ITFG1: variants seen among roughly 807,000 people sequenced by gnomAD.
The protein encoded by ITFG1 is integrin alpha FG-GAP repeat containing 1, also known as T-cell immunomodulatory protein.
In ITFG1, 34 loss-of-function variants were observed where a neutral mutation model predicts 81.8. That is an observed-to-expected ratio of 0.42 (90% CI 0.32 to 0.55). ITFG1 has a LOEUF of 0.55. Among genes scored for constraint, ITFG1 ranks in the 20% least tolerant of loss-of-function variants. The pLI, the probability that ITFG1 is intolerant of heterozygous loss-of-function variation, is 0.17. For synonymous variants in ITFG1, 285 were observed against 270.6 expected (o/e 1.05, Z -0.52); for missense variants, 672 against 755.4 (o/e 0.89, Z 1.29).
chr16:47,201,987 T>A (rs1965429894), intron 14 of ITFG1: 1 of 152,204 alleles, frequency 6.6e-6, no homozygotes, highest in Non-Finnish European at 1.5e-5. Flanking sequence ...TTTTCAGTAA[T>A]ACACAGTACT....
At position 47,258,689 on chromosome 16, in the gene ITFG1, C is replaced by A; in HGVS notation, c.1273G>T (p.Ala425Ser). The A allele has an allele frequency of 4.5e-6, 7 of 1,559,290 alleles. No homozygotes were observed. Among genetic ancestry groups the A allele is most frequent in the Non-Finnish European group, 6.1e-6 (7 of 1,146,288 alleles). Residue 425 changes from alanine (A) to serine (S), a missense_variant, in exon 12 of 18, where the codon GCC becomes TCC. Around this residue, in one of 3 missense-constraint regions of ITFG1, gnomAD observed 560 missense variants for 625.7 expected, o/e 0.90. Coordinates refer to ENST00000320640, the MANE Select transcript of ITFG1 (RefSeq NM_030790.5). ...AAGTTATTTTTTAGTGTATGAATGG[C>A]AAAATCATTCTTTGTATATCCTTTA... is the stretch of plus-strand genomic sequence containing the variant. ...LSKGYTKNDF[A>S]IHTLKNNFEA...
intron 6 of ITFG1, among the ~76,000 whole-genome samples, chr16:47,392,895 C>T (rs2151596447): frequency 6.6e-6 from 1 of 152,288 alleles, no homozygotes; most frequent in East Asian, 1.9e-4. Flanking sequence ...AGAAAAATCA[C>T]CCAGCCACAG....
intron 6 of ITFG1, among the ~76,000 whole-genome samples, chr16:47,415,906 C>T (rs557390680): frequency 3.3e-5 from 5 of 151,982 alleles, no homozygotes; most frequent in East Asian, 1.9e-4. Flanking sequence ...CCAGCTTGGC[C>T]AACATGGTGA....
intron 14 of ITFG1, among the ~76,000 whole-genome samples, chr16:47,190,397 C>A (rs1286702267): frequency 6.6e-6 from 1 of 152,192 alleles, no homozygotes; most frequent in Non-Finnish European, 1.5e-5. Flanking sequence ...TTATTACATA[C>A]ATGTTACTCA....
intron 5 of ITFG1, among the ~76,000 whole-genome samples, chr16:47,446,536 G>A (rs1969326907): frequency 6.6e-6 from 1 of 152,114 alleles, no homozygotes; most frequent in Non-Finnish European, 1.5e-5. Flanking sequence ...ACTAATACAG[G>A]CAAATACAGT....
intron 14 of ITFG1, among the ~76,000 whole-genome samples, chr16:47,205,831 T>TCTATCTATCTATCTAC (rs1965489144): frequency 2.6e-4 from 6 of 22,954 alleles, no homozygotes; most frequent in African/African-American, 9.5e-4. Flanking sequence ...AATTAAATTA[T>TCTATCTATCTATCTAC]CTATCTATCT....
At chr16:47,278,933 A>G (rs1966425013) in intron 10 of ITFG1, among the ~76,000 whole-genome samples, 1 of 151,982 alleles carries the variant, frequency 6.6e-6, no homozygotes, top group South Asian at 2.1e-4. Flanking sequence ...TTCTGCATTC[A>G]AAGTTTAACA....
At chr16:47,251,343 T>C (rs1966072470) in intron 12 of ITFG1, among the ~76,000 whole-genome samples, 1 of 152,216 alleles carries the variant, frequency 6.6e-6, no homozygotes, top group Admixed American at 6.5e-5. Flanking sequence ...ATATAGCTTC[T>C]ACCCCTGGTG....
chr16:47,299,140 C>G (rs1006098721), intron 10 of ITFG1, among the ~76,000 whole-genome samples: 1 of 152,126 alleles, frequency 6.6e-6, no homozygotes, highest in Admixed American at 6.5e-5. Flanking sequence ...TACCTTTACT[C>G]GCCTTTGTCT....
At chr16:47,382,358 C>A (rs1968406034) in intron 6 of ITFG1, among the ~76,000 whole-genome samples, 1 of 152,164 alleles carries the variant, frequency 6.6e-6, no homozygotes, top group Non-Finnish European at 1.5e-5. Flanking sequence ...AATTGTTCCC[C>A]ATTCACAAGT....
chr16:47,346,480 A>G (rs1489055107), intron 8 of ITFG1, among the ~76,000 whole-genome samples: 1 of 152,192 alleles, frequency 6.6e-6, no homozygotes, highest in African/African-American at 2.4e-5. Context: ...CAAAAGATCA[A>G]TAAAGGGAAG....
At chr16:47,341,354 C>CT (rs993414358) in intron 8 of ITFG1, among the ~76,000 whole-genome samples, 2 of 146,394 alleles carry the variant, frequency 1.4e-5, no homozygotes, top group African/African-American at 5.0e-5. Context: ...GGGATGATCC[C>CT]TTGAGCCCAG....
chr16:47,268,831 C>T (rs1171109641), intron 10 of ITFG1, among the ~76,000 whole-genome samples: 1 of 152,146 alleles, frequency 6.6e-6, no homozygotes, highest in African/African-American at 2.4e-5. Context: ...GAATTTATTG[C>T]AGGAATGCAA....
chr16:47,232,888 G>A (rs527538898), intron 13 of ITFG1, among the ~76,000 whole-genome samples: 1 of 152,128 alleles, frequency 6.6e-6, no homozygotes, highest in South Asian at 2.1e-4. Flanking sequence ...AGATCCTCCT[G>A]CCTCGACCTC....
chr16:47,298,244 C>G (rs1368408246), intron 10 of ITFG1, among the ~76,000 whole-genome samples: 1 of 152,094 alleles, frequency 6.6e-6, no homozygotes, highest in African/African-American at 2.4e-5. Flanking sequence ...TTCATCAGTA[C>G]TGGTTTTCAG....
At chr16:47,220,347 A>G (rs1351655922) in intron 13 of ITFG1, among the ~76,000 whole-genome samples, 3 of 152,276 alleles carry the variant, frequency 2.0e-5, no homozygotes, top group Admixed American at 6.5e-5. Context: ...TTGTATTAAT[A>G]GAGCAAAAAC....
At chr16:47,236,953 T>C (rs1463664494) in intron 13 of ITFG1, among the ~76,000 whole-genome samples, 3 of 152,204 alleles carry the variant, frequency 2.0e-5, no homozygotes, top group Non-Finnish European at 1.5e-5. Flanking sequence ...ACGTTAACAC[T>C]TTCCTGGCGG....
chr16:47,255,962 GATTTT>G (rs1204487052), intron 12 of ITFG1, among the ~76,000 whole-genome samples: 1 of 151,824 alleles, frequency 6.6e-6, no homozygotes, highest in Non-Finnish European at 1.5e-5. Flanking sequence ...TAAAATAACT[GATTTT>G]ATTTTATTTT....
At chr16:47,174,467 G>A (rs1338895006) in intron 14 of ITFG1, among the ~76,000 whole-genome samples, 2 of 152,142 alleles carry the variant, frequency 1.3e-5, no homozygotes, top group South Asian at 2.1e-4. Flanking sequence ...GTGTGTGCGC[G>A]TGTATGTGTT....
Sources: allele counts gnomAD v4.1 joint callset (sites outside exome capture counted in the v4.1 genomes callset), GRCh38; gene constraint gnomAD v4.1.1; regional missense constraint gnomAD v4.1.1; transcripts MANE v1.5; gene names NCBI Gene and HGNC (gene_info 2026-07-23, HGNC 2026-07-21).